PTPRQ: variants seen among roughly 807,000 people sequenced by gnomAD.
PTPRQ encodes phosphatidylinositol phosphatase PTPRQ.
A neutral mutation model predicts 246.0 loss-of-function variants in PTPRQ; 199 were observed. The observed-to-expected ratio is 0.81, with a 90% CI of 0.72 to 0.91. The LOEUF (loss-of-function observed/expected upper bound fraction) is 0.91, where lower values mean the gene tolerates loss of function less well. PTPRQ is among the 40% of genes least tolerant of loss of function. The pLI is 0.00. For synonymous variants in PTPRQ, 869 were observed against 853.2 expected (o/e 1.02, Z -0.32); for missense variants, 2,624 against 2,528.4 (o/e 1.04, Z -0.81).
chr12:80,467,222 A>G (rs1893455651), intron 6 of PTPRQ, among the ~76,000 whole-genome samples: 1 of 152,178 alleles, frequency 6.6e-6, no homozygotes. Context: ...TTCTCAAAAG[A>G]AGACATTTAT....
chr12:80,601,672 G>T (rs1227710884), intron 26 of PTPRQ, among the ~76,000 whole-genome samples: 2 of 151,618 alleles, frequency 1.3e-5, no homozygotes, highest in Non-Finnish European at 2.9e-5. Context: ...TAATAATAAG[G>T]GAGCCTTAAT....
At position 80,472,151 on chromosome 12, in the gene PTPRQ, T is replaced by C. The variant is rs962440574; in HGVS notation, c.1086T>C (p.Thr362=). Residue 362 remains threonine, a synonymous_variant, in exon 8 of 45, where the codon ACT becomes ACC. Transcript: ENST00000644991. ...CAAAAGACCTCAAGTTTGCATTCAC[T>C]AACCTAACACCATTTACAATGTATG... ...NSTKDLKFAF[T]NLTPFTMYDV... is the part of the protein sequence containing the mutation. The C allele has an allele frequency of 6.4e-7, 1 of 1,551,498 alleles. No homozygotes were observed. The highest frequency in any genetic ancestry group is 2.0e-5 in the Admixed American group (1 of 50,968).
At chr12:80,546,419 G>A (rs922632815) in intron 23 of PTPRQ, 137 bp from the exon 24 acceptor site, 1 of 896,256 alleles carries the variant, frequency 1.1e-6, no homozygotes. Flanking sequence ...GCTAATATTT[G>A]TTTTATTATA....
intron 33 of PTPRQ, among the ~76,000 whole-genome samples, chr12:80,624,708 T>A (rs1304011050): frequency 6.6e-6 from 1 of 152,146 alleles, no homozygotes; most frequent in Non-Finnish European, 1.5e-5. Context: ...TCTATGGAGA[T>A]TAGAGTCACT....
chr12:80,472,570 T>C (rs1386024670), intron 8 of PTPRQ, among the ~76,000 whole-genome samples: 2 of 152,186 alleles, frequency 1.3e-5, no homozygotes, highest in Non-Finnish European at 2.9e-5. Flanking sequence ...ATGGTTTAAC[T>C]ACATTTTTAA....
intron 14 of PTPRQ, among the ~76,000 whole-genome samples, chr12:80,501,137 G>C (rs1894787092): frequency 1.3e-5 from 2 of 152,024 alleles, no homozygotes; most frequent in African/African-American, 4.8e-5. Flanking sequence ...CACTTGAACA[G>C]TGTGAGTTGG....
chr12:80,558,325 A>C (rs180751351), intron 25 of PTPRQ, among the ~76,000 whole-genome samples: 89 of 151,462 alleles, frequency 5.9e-4, no homozygotes, highest in African/African-American at 2.1e-3. Context: ...ATGCCACTGC[A>C]CCCAACTAAT....
At position 80,605,095 on chromosome 12, in the gene PTPRQ, C is replaced by T. The variant is rs1296690049; in HGVS notation, c.4646C>T (p.Ala1549Val). 12 of 1,544,800 alleles carry T rather than the reference C, an allele frequency of 7.8e-6. No individual in the cohort carries two copies. The highest frequency in any genetic ancestry group is 1.0e-5 in the Non-Finnish European group (12 of 1,143,046). ...CCTCCTGAAAATGTTCATGTAGTAG[C>T]AACATCACCTTTTAGCATCAGCATA... ...DGPPENVHVV[A>V]TSPFSISISW... Residue 1549 changes from alanine (A) to valine (V), a missense_variant, in exon 27 of 45, where the codon GCA becomes GTA. Transcript: ENST00000644991.
In PTPRQ at chr12:80,535,825, C is replaced by T. The variant is rs191809383; in HGVS notation, c.2985+788C>T. Among the ~76,000 whole-genome samples the T allele has an allele frequency of 3.5e-4, 53 of 152,218 alleles. No homozygotes were observed. In the South Asian group the frequency reaches 8.9e-3, roughly 26 times the overall value. ...GAGCTGGAATATAATTAGAAAAACA[C>T]GGCCGGGCGTGGTGGCTCACGCCTG... is the stretch of plus-strand genomic sequence containing the variant. On this transcript the variant is annotated intron_variant, in intron 19 of 44. Transcript: ENST00000644991.
intron 7 of PTPRQ, 131 bp downstream of exon 7, chr12:80,468,969 G>C: frequency 7.7e-7 from 1 of 1,293,792 alleles, no homozygotes; most frequent in Non-Finnish European, 1.0e-6. Flanking sequence ...CAATAGGAAA[G>C]TCATAAGGAA....
At chr12:80,592,642 T>C (rs1052175630) in intron 26 of PTPRQ, among the ~76,000 whole-genome samples, 3 of 152,132 alleles carry the variant, frequency 2.0e-5, no homozygotes, top group Non-Finnish European at 2.9e-5. Flanking sequence ...GAAAATATAA[T>C]GGCCATGTTG....
At chr12:80,542,705 A>G in intron 22 of PTPRQ, 25 bp from the exon 23 acceptor site, 2 of 1,523,522 alleles carry the variant, frequency 1.3e-6, no homozygotes, top group South Asian at 1.3e-5. Context: ...TATGAATGTA[A>G]GTTTCTTCAT....
intron 39 of PTPRQ, among the ~76,000 whole-genome samples, chr12:80,661,549 A>G (rs569294708): frequency 6.6e-6 from 1 of 151,730 alleles, no homozygotes; most frequent in East Asian, 1.9e-4. Flanking sequence ...ATATGTACAC[A>G]TACACACATA....
Position 80,653,729 on chromosome 12 carries a change from T to C in PTPRQ, c.6115+895T>C, listed in dbSNP as rs189771234. Among the ~76,000 whole-genome samples, 303 of 152,302 alleles carry C rather than the reference T, an allele frequency of 2.0e-3. 1 individual carries two copies. Among genetic ancestry groups the C allele is most frequent in the Admixed American group, 6.6e-3 (101 of 15,288 alleles). On this transcript the variant is annotated intron_variant, in intron 38 of 44. Coordinates refer to ENST00000644991, the MANE Select transcript of PTPRQ (RefSeq NM_001145026.2). ...GATGTGATCATAGAATGTCGAATTG[T>C]AAAGGACATGCATAGGAAGAAACAG...
intron 25 of PTPRQ, among the ~76,000 whole-genome samples, chr12:80,552,731 A>G (rs2120884166): frequency 7.1e-6 from 1 of 140,450 alleles, no homozygotes; most frequent in African/African-American, 2.6e-5. Context: ...CAGGATTAAA[A>G]GGCAACATAT....
intron 3 of PTPRQ, among the ~76,000 whole-genome samples, chr12:80,455,520 A>G (rs567483371): frequency 1.3e-5 from 2 of 152,136 alleles, no homozygotes; most frequent in East Asian, 3.9e-4. Context: ...CAATGTAATT[A>G]CTTTCAACAA....
intron 24 of PTPRQ, among the ~76,000 whole-genome samples, chr12:80,547,910 G>T (rs748845805): frequency 1.3e-5 from 2 of 152,084 alleles, no homozygotes; most frequent in Non-Finnish European, 2.9e-5. Flanking sequence ...CCATGATTGA[G>T]CTAGATTAGA....
chr12:80,611,422 A>G (rs1036037128), intron 28 of PTPRQ, among the ~76,000 whole-genome samples: 10 of 150,268 alleles, frequency 6.7e-5, no homozygotes, highest in Non-Finnish European at 1.5e-4. Context: ...TATATTCTCT[A>G]TGCATTTTGT....
intron 9 of PTPRQ, among the ~76,000 whole-genome samples, chr12:80,490,701 G>A (rs979487500): frequency 1.3e-5 from 2 of 151,920 alleles, no homozygotes; most frequent in African/African-American, 2.4e-5. Flanking sequence ...CAGAATGTCA[G>A]TAGTGCTGAG....
Sources: allele counts gnomAD v4.1 joint callset (sites outside exome capture counted in the v4.1 genomes callset), GRCh38; gene constraint gnomAD v4.1.1; transcripts MANE v1.5; gene names NCBI Gene and HGNC (gene_info 2026-07-23, HGNC 2026-07-21).